The following KCNMB2 variants were observed in gnomAD, a reference collection of about 807,000 sequenced individuals.
KCNMB2 encodes calcium-activated potassium channel subunit beta-2.
Under a neutral mutation model 24.5 loss-of-function variants are expected in KCNMB2, and 9 were observed. The ratio of observed to expected loss-of-function variants is 0.37; its 90% CI spans 0.22 to 0.64. KCNMB2 has a LOEUF of 0.64. Ranked by LOEUF, KCNMB2 falls within the 30% of genes least tolerant of loss-of-function variation. The pLI is 0.63. For synonymous variants in KCNMB2, 109 were observed against 104.4 expected (o/e 1.04, Z -0.27); for missense variants, 226 against 284.3 (o/e 0.79, Z 1.47).
At chr3:178,678,342 TTTGGAATC>T (rs1721143265) in intron 1 of KCNMB2, among the ~76,000 whole-genome samples, 1 of 152,232 alleles carries the variant, frequency 6.6e-6, no homozygotes, top group Non-Finnish European at 1.5e-5. Flanking sequence ...CCATTTATAA[TTTGGAATC>T]TTATTGCCAC....
intron 1 of KCNMB2, among the ~76,000 whole-genome samples, chr3:178,687,135 G>A (rs1035882487): frequency 1.3e-5 from 2 of 152,060 alleles, no homozygotes; most frequent in African/African-American, 4.8e-5. Flanking sequence ...GAATCCATAT[G>A]AGGATGCTCT....
chr3:178,767,845 T>A (rs374052769), intron 1 of KCNMB2, among the ~76,000 whole-genome samples: 4 of 152,180 alleles, frequency 2.6e-5, no homozygotes, highest in African/African-American at 9.6e-5. Flanking sequence ...TTATGTAGAT[T>A]TGTGGCTCTT....
chr3:178,723,219 G>T (rs530148274), intron 1 of KCNMB2, among the ~76,000 whole-genome samples: 1 of 151,910 alleles, frequency 6.6e-6, no homozygotes, highest in Admixed American at 6.6e-5. Flanking sequence ...TTGCCTTTCC[G>T]TATAAAATAT....
chr3:178,695,613 C>T (rs1721847816), intron 1 of KCNMB2, among the ~76,000 whole-genome samples: 1 of 152,198 alleles, frequency 6.6e-6, no homozygotes. Flanking sequence ...CCACCAGTCT[C>T]TTTGCTAAAG....
chr3:178,663,243 C>T (rs1216396558), intron 1 of KCNMB2, among the ~76,000 whole-genome samples: 2 of 152,030 alleles, frequency 1.3e-5, no homozygotes, highest in Non-Finnish European at 2.9e-5. Flanking sequence ...TTACCAATGT[C>T]CCAAACCTAG....
chr3:178,542,215 G>A (rs538306513), intron 1 of KCNMB2, among the ~76,000 whole-genome samples: 11 of 152,202 alleles, frequency 7.2e-5, no homozygotes, highest in Non-Finnish European at 1.0e-4. Flanking sequence ...TTGCAGCACC[G>A]AAACTTTATA....
intron 1 of KCNMB2, among the ~76,000 whole-genome samples, chr3:178,754,179 C>T (rs865830464): frequency 8.0e-4 from 47 of 58,478 alleles, no homozygotes; most frequent in African/African-American, 1.9e-3. Flanking sequence ...TATATATATA[C>T]ACACACACAC....
chr3:178,726,309 T>C (rs1722966624), intron 1 of KCNMB2, among the ~76,000 whole-genome samples: 1 of 151,956 alleles, frequency 6.6e-6, no homozygotes, highest in African/African-American at 2.4e-5. Flanking sequence ...CTTTCAACCA[T>C]CAACCATACT....
At position 178,777,669 on chromosome 3, in the gene KCNMB2, T is replaced by C. The variant is rs554592820; in HGVS notation, c.-67-29674T>C. Among the ~76,000 whole-genome samples the C allele has an allele frequency of 4.8e-4, 73 of 152,330 alleles. 2 individuals are homozygous for C. In the South Asian group the frequency reaches 0.015, roughly 31 times the overall value. On this transcript the variant is annotated intron_variant, in intron 1 of 4. Coordinates refer to ENST00000452583, the MANE Select transcript of KCNMB2 (RefSeq NM_181361.3). Reference sequence around the variant, plus strand: ...GGTGTTTAACCAATAGCTGGATAACTCTTCATTTACAATATTTCAAAGAAA... The same window carrying C: ...GGTGTTTAACCAATAGCTGGATAACCCTTCATTTACAATATTTCAAAGAAA...
At chr3:178,727,436 T>C (rs1723001572) in intron 1 of KCNMB2, among the ~76,000 whole-genome samples, 1 of 152,142 alleles carries the variant, frequency 6.6e-6, no homozygotes. Flanking sequence ...GAGAAGATGT[T>C]ACCCTACTTG....
intron 1 of KCNMB2, among the ~76,000 whole-genome samples, chr3:178,580,411 C>A (rs988310682): frequency 1.3e-5 from 2 of 152,178 alleles, no homozygotes; most frequent in African/African-American, 4.8e-5. Context: ...CAGCCAATAT[C>A]ATACTGAATG....
chr3:178,639,743 AT>A lies in KCNMB2; in HGVS notation c.-68+103039del, dbSNP rs568845073. On this transcript the variant is annotated intron_variant, in intron 1 of 4. Coordinates refer to ENST00000452583, the MANE Select transcript of KCNMB2 (RefSeq NM_181361.3). ...CACTCACTTCTCAGGCCTCTTGGAA[AT>A]TTTTTTAAAAATGGGATTCACTATA... 5.0e-4 allele frequency among the ~76,000 whole-genome samples: 76 copies of A among 152,242 alleles called. 1 individual carries two copies. Among genetic ancestry groups the A allele is most frequent in the African/African-American group, 1.7e-3 (72 of 41,540 alleles).
intron 2 of KCNMB2, 60 bp downstream of exon 2, chr3:178,807,525 G>C: frequency 7.1e-7 from 1 of 1,412,234 alleles, no homozygotes; most frequent in East Asian, 2.3e-5. Context: ...CTCCAAAGAG[G>C]ATACTGACAG....
intron 1 of KCNMB2, among the ~76,000 whole-genome samples, chr3:178,573,404 T>G (rs1050614636): frequency 6.6e-6 from 1 of 152,008 alleles, no homozygotes; most frequent in Admixed American, 6.6e-5. Flanking sequence ...TCTGGAATTG[T>G]TTTACGTTCA....
chr3:178,609,745 T>A (rs1260235282), intron 1 of KCNMB2, among the ~76,000 whole-genome samples: 1 of 151,970 alleles, frequency 6.6e-6, no homozygotes, highest in African/African-American at 2.4e-5. Flanking sequence ...CAAGCAGTCC[T>A]CCCACCTCAC....
At chr3:178,829,286 A>G (rs754198798) in intron 4 of KCNMB2, among the ~76,000 whole-genome samples, 10 of 152,150 alleles carry the variant, frequency 6.6e-5, no homozygotes, top group Non-Finnish European at 1.3e-4. Context: ...TCTTTCTTGT[A>G]AAAGCTTTTC....
At chr3:178,804,447 G>A (rs776348522) in intron 1 of KCNMB2, among the ~76,000 whole-genome samples, 1 of 152,024 alleles carries the variant, frequency 6.6e-6, no homozygotes, top group Non-Finnish European at 1.5e-5. Context: ...ATAATGGTTT[G>A]TCTTTATGAA....
At chr3:178,806,890 A>C (rs1167417601) in intron 1 of KCNMB2, among the ~76,000 whole-genome samples, 2 of 152,192 alleles carry the variant, frequency 1.3e-5, no homozygotes, top group African/African-American at 2.4e-5. Flanking sequence ...ATGACGTTTC[A>C]TCACCAACAT....
intron 1 of KCNMB2, chr3:178,756,990 G>T (rs1253763331): frequency 6.6e-6 from 1 of 151,432 alleles, no homozygotes; most frequent in Non-Finnish European, 1.5e-5. Flanking sequence ...GGGAAGAAGT[G>T]GCACTAAAGT....
Sources: gnomAD v4.1 joint callset for allele counts (sites outside exome capture counted in the v4.1 genomes callset) on GRCh38, gnomAD v4.1.1 for gene constraint, MANE v1.5 for transcripts, NCBI Gene and HGNC (gene_info 2026-07-23, HGNC 2026-07-21) for gene names.